Variants in ZNF562 observed in about 807,000 individuals in gnomAD.
The protein encoded by ZNF562 is zinc finger protein 562.
Under a neutral mutation model 17.5 loss-of-function variants are expected in ZNF562, and 13 were observed. The ratio of observed to expected loss-of-function variants is 0.74; its 90% CI spans 0.48 to 1.18. The LOEUF is 1.18. ZNF562 is among the 50% of genes most tolerant of loss of function. The pLI is 0.00. For synonymous variants in ZNF562, 163 were observed against 165.4 expected (o/e 0.99, Z 0.11); for missense variants, 481 against 498.5 (o/e 0.96, Z 0.33).
intron 1 of ZNF562, among the ~76,000 whole-genome samples, chr19:9,663,746 G>A (rs1272912738): frequency 6.6e-6 from 1 of 151,368 alleles, no homozygotes; most frequent in Non-Finnish European, 1.5e-5. Flanking sequence ...GCGCGATCTC[G>A]GCTCACTGCA....
chr19:9,671,395 C>CAAGGAG (rs2044192915), intron 1 of ZNF562, among the ~76,000 whole-genome samples: 3 of 152,056 alleles, frequency 2.0e-5, no homozygotes, highest in African/African-American at 7.2e-5. Flanking sequence ...GCACCTAATA[C>CAAGGAG]CACCTACCAT....
At chr19:9,664,229 T>C (rs549811938) in intron 1 of ZNF562, among the ~76,000 whole-genome samples, 2 of 152,256 alleles carry the variant, frequency 1.3e-5, no homozygotes, top group South Asian at 2.1e-4. Context: ...TCACCACACC[T>C]GGCTAATTTT....
In ZNF562 at chr19:9,643,737, A is replaced by C. The variant is rs2074788405; in HGVS notation, c.*9212T>G. On this transcript the variant is annotated 3_prime_UTR_variant, in exon 6 of 6. Coordinates refer to ENST00000453372, the MANE Select transcript of ZNF562 (RefSeq NM_001130031.2). ...GGCAGGTCTCGAACTCCTGAGCTCA[A>C]GTAATCCTTTTGCCTCCTTTCAAAG... 1 of 152,030 alleles carries C rather than the reference A, an allele frequency of 6.6e-6. No individual in the cohort carries two copies. The highest frequency in any genetic ancestry group is 1.5e-5 in the Non-Finnish European group (1 of 68,008). 9.4% of individuals were successfully genotyped at this position (152,030 alleles called of 1,614,324 possible).
intron 5 of ZNF562, among the ~76,000 whole-genome samples, chr19:9,654,325 A>G (rs1347129093): frequency 6.6e-6 from 1 of 152,016 alleles, no homozygotes; most frequent in African/African-American, 2.4e-5. Context: ...GTTTTGCTCC[A>G]TTGCCTGGTC....
chr19:9,656,201 G>A (rs2043477464), intron 5 of ZNF562, among the ~76,000 whole-genome samples: 1 of 152,042 alleles, frequency 6.6e-6, no homozygotes, highest in Admixed American at 6.5e-5. Flanking sequence ...TCTTTTCTGA[G>A]AGAGGAAATT....
chr19:9,656,424 G>A lies in ZNF562; in HGVS notation c.348+123C>T, dbSNP rs373407647. 4.1e-4 allele frequency: 407 copies of A among 1,000,058 alleles called. 1 individual carries two copies. Among genetic ancestry groups the A allele is most frequent in the South Asian group, 3.9e-3 (275 of 70,504 alleles). 61.9% of individuals were successfully genotyped at this position (1,000,058 alleles called of 1,614,324 possible). A position where few individuals can be genotyped will look rare whatever the true frequency, so the allele number is the denominator to read the frequency against. ...CTCGGGAGGCTGAGGCAAGAGAATC[G>A]CTTGAACCTGGGAGTTGGAGGTTGC... On this transcript the variant is annotated intron_variant, in intron 5 of 5. Transcript: ENST00000453372.
intron 1 of ZNF562, among the ~76,000 whole-genome samples, chr19:9,671,472 T>A (rs1175814082): frequency 6.6e-6 from 1 of 152,068 alleles, no homozygotes; most frequent in Non-Finnish European, 1.5e-5. Context: ...CAAGACTTTG[T>A]CTCAAAAAAA....
intron 1 of ZNF562, among the ~76,000 whole-genome samples, chr19:9,669,734 G>GCACACACACACACACACACACA: frequency 9.1e-6 from 1 of 109,302 alleles, no homozygotes; most frequent in South Asian, 3.5e-4. Context: ...GCGCGCGCGC[G>GCACACACACACACACACACACA]CACACACACA....
Position 9,652,866 on chromosome 19 carries a change from C to A in ZNF562, c.*83G>T. ...GAAAGAGCAAATGCTTTCCCAAATT[C>A]TTTACATACAAAAGGTTTCTCTCTG... On this transcript the variant is annotated 3_prime_UTR_variant, in exon 6 of 6. Coordinates refer to ENST00000453372, the MANE Select transcript of ZNF562 (RefSeq NM_001130031.2). 1 of 1,321,652 alleles carries A rather than the reference C, an allele frequency of 7.6e-7. No homozygotes were observed. The highest frequency in any genetic ancestry group is 1.0e-6 in the Non-Finnish European group (1 of 990,460). 81.9% of individuals were successfully genotyped at this position (1,321,652 alleles called of 1,614,324 possible).
rs1466913085 is a variant in ZNF562 at position 9,649,808 on chromosome 19, A to AAGT, written c.*3138_*3140dup. On this transcript the variant is annotated 3_prime_UTR_variant, in exon 6 of 6. Transcript: ENST00000453372. Reference sequence around the variant, plus strand: ...CCTTGTGATATTCTATTACCTTGTAAAGTACTTGATGTCTGTGACCCACAC... The same window carrying AAGT: ...CCTTGTGATATTCTATTACCTTGTAAAGTAGTACTTGATGTCTGTGACCCACAC... The AAGT allele has an allele frequency of 1.3e-5, 2 of 152,074 alleles. No individual in the cohort carries two copies. Among genetic ancestry groups the AAGT allele is most frequent in the African/African-American group, 4.8e-5 (2 of 41,400 alleles). The allele number at this position is 152,074 out of a possible 1,614,324, so 9.4% of individuals were successfully genotyped here. A position where few individuals can be genotyped will look rare whatever the true frequency, so the allele number is the denominator to read the frequency against.
At chr19:9,655,594 A>G (rs1000994401) in intron 5 of ZNF562, among the ~76,000 whole-genome samples, 7 of 149,858 alleles carry the variant, frequency 4.7e-5, no homozygotes, top group Non-Finnish European at 8.9e-5. Context: ...CTAATTTTGT[A>G]TTTTTAGTAG....
rs140144772 is a variant in ZNF562 at position 9,650,822 on chromosome 19, T to C, written c.*2127A>G. On this transcript the variant is annotated 3_prime_UTR_variant, in exon 6 of 6. Transcript: ENST00000453372. ...AAAATACAAACTTAGCTAAGGTTTG[T>C]GGTGCATGCCAATAATCCCAGCTAC... The C allele has an allele frequency of 8.6e-4, 130 of 151,952 alleles. No homozygotes were observed. The highest frequency in any genetic ancestry group is 3.1e-3 in the African/African-American group (129 of 41,372). 9.4% of individuals were successfully genotyped at this position (151,952 alleles called of 1,614,324 possible).
chr19:9,651,824 C>T lies in ZNF562; in HGVS notation c.*1125G>A, dbSNP rs2074871147. On this transcript the variant is annotated 3_prime_UTR_variant, in exon 6 of 6. Transcript: ENST00000453372. ...TGGGTCAAACTCTGTTCAAGCTCAG[C>T]TCTGAAGGCTGTGAGCCCCGATTCC... 1 of 152,222 alleles carries T rather than the reference C, an allele frequency of 6.6e-6. No individual in the cohort carries two copies. Among genetic ancestry groups the T allele is most frequent in the Non-Finnish European group, 1.5e-5 (1 of 68,046 alleles). 9.4% of individuals were successfully genotyped at this position (152,222 alleles called of 1,614,324 possible). A position where few individuals can be genotyped will look rare whatever the true frequency, so the allele number is the denominator to read the frequency against.
In ZNF562 at chr19:9,653,167, G is replaced by C. The variant is rs1250989322; in HGVS notation, c.1063C>G (p.Gln355Glu). 6.2e-7 allele frequency: 1 copy of C among 1,613,796 alleles called. No individual in the cohort carries two copies. Among genetic ancestry groups the C allele is most frequent in the South Asian group, 1.1e-5 (1 of 91,026 alleles). Residue 355 changes from glutamine to glutamate, a missense_variant, in exon 6 of 6, where the codon CAG becomes GAG. This residue lies in a region of ZNF562 where 78 missense variants were observed against 112.0 expected (regional missense o/e 0.70). Transcript: ENST00000453372. ...ATGTGTATAGCAAGGCCCGTGTACT[G>C]AGTGAAGGCTTGGCCACATTCCTTA... ...ECKECGQAFT[Q>E]YTGLAIHIRN...
chr19:9,653,470 G>A lies in ZNF562; in HGVS notation c.760C>T (p.His254Tyr), dbSNP rs878972891. The change falls in exon 6 of 6, where the codon CAT becomes TAT. Residue 254 changes from histidine to tyrosine, a missense_variant. By Grantham distance (83) the His-to-Tyr change is moderately conservative. Around this residue, in one of 2 missense-constraint regions of ZNF562, gnomAD observed 403 missense variants for 386.4 expected, o/e 1.04. Transcript: ENST00000453372. ...SSHLKQCVAV[H>Y]TGKKSEKTKN... ...GTCTTTTCGGATTTCTTTCCAGTAT[G>A]AACTGCTACACACTGCTTTAAGTGT... The A allele has an allele frequency of 6.2e-7, 1 of 1,614,152 alleles. No homozygotes were observed.
At chr19:9,660,668 G>A (rs1192671231) in intron 2 of ZNF562, 52 bp downstream of exon 2, 6 of 1,597,642 alleles carry the variant, frequency 3.8e-6, no homozygotes, top group African/African-American at 1.3e-5. Flanking sequence ...CTTATGTTGT[G>A]GAGGGCGACC....
chr19:9,661,273 C>A (rs994349747), intron 1 of ZNF562, among the ~76,000 whole-genome samples: 1 of 152,082 alleles, frequency 6.6e-6, no homozygotes, highest in African/African-American at 2.4e-5. Context: ...CCTCAGCTTC[C>A]TGAATAGCTG....
intron 1 of ZNF562, among the ~76,000 whole-genome samples, chr19:9,669,602 C>T (rs953557685): frequency 1.3e-5 from 2 of 152,086 alleles, no homozygotes; most frequent in African/African-American, 4.8e-5. Context: ...TGGGAGATCA[C>T]TTGAGCCCAG....
At position 9,646,071 on chromosome 19, in the gene ZNF562, CTTTTTTTT is replaced by C. The variant is rs962166348; in HGVS notation, c.*6870_*6877del. 4 of 132,168 alleles carry C rather than the reference CTTTTTTTT, an allele frequency of 3.0e-5. No individual in the cohort carries two copies. Among genetic ancestry groups the C allele is most frequent in the Admixed American group, 1.5e-4 (2 of 13,068 alleles). 8.2% of individuals were successfully genotyped at this position (132,168 alleles called of 1,614,324 possible). On this transcript the variant is annotated 3_prime_UTR_variant, in exon 6 of 6. Transcript: ENST00000453372. ...AATTGGTATTATTCAAGTATTTTTTCTTTTTTTTTTTTTTTTTGTGACAGAGTTTCACT... is the reference window on the plus strand; with the variant it reads ...AATTGGTATTATTCAAGTATTTTTTCTTTTTTTTTGTGACAGAGTTTCACT...
Sources: gnomAD v4.1 joint callset for allele counts (sites outside exome capture counted in the v4.1 genomes callset) on GRCh38, gnomAD v4.1.1 for gene constraint, gnomAD v4.1.1 regional missense constraint, MANE v1.5 for transcripts, NCBI Gene and HGNC (gene_info 2026-07-23, HGNC 2026-07-21) for gene names.